ARMH4: variants seen among roughly 807,000 people sequenced by gnomAD.
The protein encoded by ARMH4 is armadillo-like helical domain-containing protein 4.
In ARMH4, 49 loss-of-function variants were observed where a neutral mutation model predicts 61.9. The observed-to-expected ratio is 0.79, with a 90% CI of 0.63 to 1.00. ARMH4 has a LOEUF of 1.00. Ranked by LOEUF, ARMH4 falls within the 50% of genes least tolerant of loss-of-function variation. The pLI is 0.00. For synonymous variants in ARMH4, 368 were observed against 341.5 expected (o/e 1.08, Z -0.85); for missense variants, 934 against 930.0 (o/e 1.00, Z -0.06).
chr14:58,040,307 C>G (rs1369211365), intron 5 of ARMH4, among the ~76,000 whole-genome samples: 1 of 152,126 alleles, frequency 6.6e-6, no homozygotes, highest in Admixed American at 6.6e-5. Context: ...AAACCTCTCC[C>G]TCCTCCCACC....
chr14:58,141,397 C>A, intron 1 of ARMH4: 1 of 532,036 alleles, frequency 1.9e-6, no homozygotes, highest in Non-Finnish European at 3.8e-6. Context: ...CCCACCTGAC[C>A]AGCAGCGTCT....
chr14:58,096,866 A>G lies in ARMH4; in HGVS notation c.1947T>C (p.Gly649=), dbSNP rs758418437. 3.1e-6 allele frequency: 5 copies of G among 1,614,112 alleles called. No homozygotes were observed. The part of the protein sequence containing the change: ...DADSLDEGLD[G]DTELPGFTLP... ...GGGTAAAACCTGGCAGCTCAGTGTC[A>G]CCATCCAAGCCCTCATCCAGCGAGT... The change falls in exon 5 of 8, where the codon GGT becomes GGC. Residue 649 remains glycine (G), a synonymous_variant. Coordinates refer to ENST00000267485, the MANE Select transcript of ARMH4 (RefSeq NM_001001872.4).
At chr14:58,125,651 A>C (rs1223462850) in intron 4 of ARMH4, among the ~76,000 whole-genome samples, 1 of 152,192 alleles carries the variant, frequency 6.6e-6, no homozygotes, top group Non-Finnish European at 1.5e-5. Flanking sequence ...AGACCCCTGG[A>C]CTGGCCTGCT....
chr14:58,122,908 G>A (rs1238271641), intron 4 of ARMH4, among the ~76,000 whole-genome samples: 1 of 152,106 alleles, frequency 6.6e-6, no homozygotes, highest in African/African-American at 2.4e-5. Flanking sequence ...GGTGCCTGGG[G>A]CAAGTGCCAG....
rs571747287 is a variant in ARMH4, at chr14:58,071,561, T to C, written c.2089+25163A>G. ...GTGTTTTAGGCTGACTTTGACTTCC[T>C]GATAGAAACTGAAGCTTTTTTTTTT... On this transcript the variant is annotated intron_variant, in intron 5 of 7. Transcript: ENST00000267485. 7.9e-5 allele frequency among the ~76,000 whole-genome samples: 12 copies of C among 152,274 alleles called. 1 individual carries two copies. In the South Asian group the frequency reaches 2.5e-3, roughly 32 times the overall value.
At chr14:58,065,562 T>C (rs1289619418) in intron 5 of ARMH4, among the ~76,000 whole-genome samples, 1 of 152,248 alleles carries the variant, frequency 6.6e-6, no homozygotes, top group Non-Finnish European at 1.5e-5. Flanking sequence ...ATTTATTCTT[T>C]ACTGGAGGAG....
At chr14:58,027,235 C>T (rs534416803) in intron 5 of ARMH4, among the ~76,000 whole-genome samples, 3 of 152,194 alleles carry the variant, frequency 2.0e-5, no homozygotes, top group East Asian at 1.9e-4. Context: ...ATCTATTATA[C>T]GGCATAGTGC....
chr14:58,141,853 T>G (rs1055601259), intron 1 of ARMH4, among the ~76,000 whole-genome samples: 6 of 152,172 alleles, frequency 3.9e-5, no homozygotes, highest in African/African-American at 1.4e-4. Context: ...GTTTCAAAAT[T>G]TAAGGATTAG....
chr14:58,061,968 T>C (rs1402941325), intron 5 of ARMH4, among the ~76,000 whole-genome samples: 2 of 136,112 alleles, frequency 1.5e-5, no homozygotes, highest in Non-Finnish European at 3.3e-5. Flanking sequence ...GATTTACCCA[T>C]TTTATCTTTA....
At chr14:58,095,530 C>G (rs1411212937) in intron 5 of ARMH4, among the ~76,000 whole-genome samples, 5 of 152,078 alleles carry the variant, frequency 3.3e-5, no homozygotes, top group African/African-American at 1.2e-4. Context: ...TGTTTTGATA[C>G]CCTTATAAGT....
chr14:58,023,328 G>C (rs1377112011), intron 5 of ARMH4, among the ~76,000 whole-genome samples: 1 of 152,088 alleles, frequency 6.6e-6, no homozygotes. Flanking sequence ...GTCCTTTGTT[G>C]TCATTTCAAC....
At chr14:58,127,024 G>A (rs577214664) in intron 4 of ARMH4, among the ~76,000 whole-genome samples, 10 of 152,090 alleles carry the variant, frequency 6.6e-5, no homozygotes, top group East Asian at 3.9e-4. Flanking sequence ...GGATGGTCTC[G>A]ATCTCCTGAC....
chr14:58,047,954 G>A (rs946102183), intron 5 of ARMH4, among the ~76,000 whole-genome samples: 1 of 152,180 alleles, frequency 6.6e-6, no homozygotes, highest in African/African-American at 2.4e-5. Flanking sequence ...AACCAGGCAA[G>A]TGAGCAAGTC....
chr14:58,009,800 GAC>G (rs1367936347), intron 6 of ARMH4, among the ~76,000 whole-genome samples: 2 of 90,798 alleles, frequency 2.2e-5, no homozygotes, highest in Admixed American at 3.7e-4. Flanking sequence ...GACAGAGCAA[GAC>G]TCTGCAAAAA....
At chr14:58,057,570 CTG>C (rs58765566) in intron 5 of ARMH4, among the ~76,000 whole-genome samples, 41,919 of 149,112 alleles carry the variant, frequency 0.28, 7,872 homozygotes, top group East Asian at 0.64. Flanking sequence ...GTGTGTGTGT[CTG>C]TGTGTGTGTG....
chr14:58,007,615 T>C (rs1020487944), intron 6 of ARMH4, among the ~76,000 whole-genome samples: 2 of 152,244 alleles, frequency 1.3e-5, no homozygotes, highest in African/African-American at 4.8e-5. Flanking sequence ...ACTATTCTTC[T>C]TTCAAAACTG....
At chr14:58,129,524 C>T (rs1336823980) in intron 4 of ARMH4, among the ~76,000 whole-genome samples, 1 of 152,190 alleles carries the variant, frequency 6.6e-6, no homozygotes, top group South Asian at 2.1e-4. Flanking sequence ...AATTACCTGC[C>T]TCTAGGCATA....
At chr14:58,117,984 A>C (rs758229613) in intron 4 of ARMH4, among the ~76,000 whole-genome samples, 19 of 151,918 alleles carry the variant, frequency 1.3e-4, no homozygotes, top group Middle Eastern at 3.2e-3. Context: ...GACTAGTCTC[A>C]AACTCCTGGC....
At chr14:58,067,981 A>G (rs1884758505) in intron 5 of ARMH4, among the ~76,000 whole-genome samples, 3 of 152,148 alleles carry the variant, frequency 2.0e-5, no homozygotes, top group African/African-American at 7.2e-5. Context: ...ATTCTAATGG[A>G]TGGTATGTCA....
Sources: allele counts gnomAD v4.1 joint callset (sites outside exome capture counted in the v4.1 genomes callset), GRCh38; gene constraint gnomAD v4.1.1; transcripts MANE v1.5; gene names NCBI Gene and HGNC (gene_info 2026-07-23, HGNC 2026-07-21).